The following ABCB8 variants were observed in gnomAD, a reference collection of about 807,000 sequenced individuals.
The protein encoded by ABCB8 is ATP binding cassette subfamily B member 8.
A neutral mutation model predicts 73.0 loss-of-function variants in ABCB8; 52 were observed. The observed-to-expected ratio is 0.71, with a 90% CI of 0.57 to 0.90. The LOEUF is 0.90. ABCB8 is among the 40% of genes least tolerant of loss of function. The pLI is 0.00. For missense variants in ABCB8, 909 were observed against 974.6 expected (o/e 0.93, Z 0.90); for synonymous variants, 428 against 423.5 (o/e 1.01, Z -0.13).
rs752271753 is a variant in ABCB8 at position 151,040,643 on chromosome 7, G to A, written c.1388+9G>A. On this transcript the variant is annotated intron_variant, in intron 11 of 15. Coordinates refer to ENST00000358849, the MANE Select transcript of ABCB8 (RefSeq NM_007188.5). ...CAGAACGTCTGCTTCAGGTCAGCAC[G>A]GGTGAGCAGGCGTGGGGATGGGTCC... 24 of 1,609,364 alleles carry A rather than the reference G, an allele frequency of 1.5e-5. No homozygotes were observed. The Admixed American group carries it at 3.0e-4, about 20-fold the overall frequency.
At position 151,034,338 on chromosome 7, in the gene ABCB8, C is replaced by T. The variant is rs145353836; in HGVS notation, c.474C>T (p.Val158=). The change falls in exon 3 of 16, where the codon GTC becomes GTT. Residue 158 remains valine (V), a synonymous_variant. Transcript: ENST00000358849. Reference sequence around the variant, plus strand: ...TGCTCCTGGGCCAGCTGGTAGAGGTCGTGGCCAAGTACACAAGGGACCACG... The same window carrying T: ...TGCTCCTGGGCCAGCTGGTAGAGGTTGTGGCCAAGTACACAAGGGACCACG... ...IPLLLGQLVE[V]VAKYTRDHVG... 8,332 of 1,613,844 alleles carry T rather than the reference C, an allele frequency of 5.2e-3. 34 individuals carry two copies. Among genetic ancestry groups the T allele is most frequent in the Non-Finnish European group, 6.5e-3 (7,718 of 1,179,976 alleles).
At chr7:151,044,303 T>G (rs1427021632) in intron 15 of ABCB8, 82 bp downstream of exon 15, 1 of 1,546,096 alleles carries the variant, frequency 6.5e-7, no homozygotes, top group Non-Finnish European at 8.7e-7. Flanking sequence ...ATGAGTTATA[T>G]GAAGTTGTGG....
Position 151,028,473 on chromosome 7 carries a change from G to A in ABCB8, c.-43G>A, listed in dbSNP as rs369640034. 3.2e-6 allele frequency: 5 copies of A among 1,586,122 alleles called. No individual in the cohort carries two copies. The highest frequency in any genetic ancestry group is 1.1e-5 in the South Asian group (1 of 86,990). Reference sequence around the variant, plus strand: ...ACATAGAGCCCTCAGTGGGATGAGGGTGAAACTGCTATTGCCGGCGGCTCC... The same window carrying A: ...ACATAGAGCCCTCAGTGGGATGAGGATGAAACTGCTATTGCCGGCGGCTCC... On this transcript the variant is annotated 5_prime_UTR_variant, in exon 1 of 16. The change creates a new upstream start codon in the 5' untranslated region. Coordinates refer to ENST00000358849, the MANE Select transcript of ABCB8 (RefSeq NM_007188.5).
rs61743756 is a variant in ABCB8 at position 151,041,145 on chromosome 7, G to T, written c.1530G>T (p.Thr510=). 6.2e-7 allele frequency: 1 copy of T among 1,612,336 alleles called. No individual in the cohort carries two copies. Among genetic ancestry groups the T allele is most frequent in the South Asian group, 1.1e-5 (1 of 91,078 alleles). Residue 510 remains threonine, a synonymous_variant, in exon 13 of 16, where the codon ACG becomes ACT. Transcript: ENST00000358849. The part of the protein sequence containing the change: ...ASLLERFYDP[T]AGVVMLDGRD... The stretch of plus-strand genomic sequence containing the variant: ...TGCTGGAGCGCTTCTACGACCCCAC[G>T]GCAGGCGTGGTGATGCTGGATGGGC...
chr7:151,040,771 C>G, intron 11 of ABCB8, 57 bp from the exon 12 acceptor site: 1 of 1,594,264 alleles, frequency 6.3e-7, no homozygotes, highest in Non-Finnish European at 8.5e-7. Flanking sequence ...TCAGGAGGGA[C>G]CCGGGCAACA....
rs777937374 is a variant in ABCB8, at chr7:151,035,664, G to A, written c.849G>A (p.Val283=). 5.6e-6 allele frequency: 9 copies of A among 1,613,344 alleles called. No homozygotes were observed. The highest frequency in any genetic ancestry group is 6.8e-6 in the Non-Finnish European group (8 of 1,179,918). ...LSTRLTLLLM[V]ATPALMGVGT... is the part of the protein sequence containing the mutation. ...CACGCCTCACGCTGCTGCTGATGGTGGCCACACCAGCCCTGATGGGAGTGG... is the reference window on the plus strand; with the variant it reads ...CACGCCTCACGCTGCTGCTGATGGTAGCCACACCAGCCCTGATGGGAGTGG... The change falls in exon 6 of 16, where the codon GTG becomes GTA. Residue 283 remains valine, a synonymous_variant. Coordinates refer to ENST00000358849, the MANE Select transcript of ABCB8 (RefSeq NM_007188.5).
At chr7:151,039,218 T>TC (rs1405590213) in intron 9 of ABCB8, 1 of 152,298 alleles carries the variant, frequency 6.6e-6, no homozygotes, top group African/African-American at 2.4e-5. Context: ...GTCTTCCAGA[T>TC]CTCTGGTGGA....
At chr7:151,040,675 C>G in intron 11 of ABCB8, 41 bp downstream of exon 11, 2 of 1,602,528 alleles carry the variant, frequency 1.2e-6, no homozygotes, top group African/African-American at 1.3e-5. Context: ...GTCCCTGGGC[C>G]GGGGATGAGG....
rs78593047 is a variant in ABCB8, at chr7:151,037,698, G to A, written c.1217+1049G>A. ...CGGGGCCCCCACCCCATTCTACTGA[G>A]GCATGTGTCCTCGCCCTGCTGCATG... On this transcript the variant is annotated intron_variant, in intron 9 of 15. Transcript: ENST00000358849. The A allele has an allele frequency of 2.5e-3, 810 of 330,110 alleles. 35 individuals carry two copies. In the East Asian group the frequency reaches 0.054, roughly 22 times the overall value. The allele number at this position is 330,110 out of a possible 1,614,324, so 20.4% of individuals were successfully genotyped here.
At position 151,045,404 on chromosome 7, in the gene ABCB8, C is replaced by T; in HGVS notation, c.*55C>T. ...AAGCATCAGTGTTAGGGCTGGGGCTCAGCCTGGGGGAGCCTACTGGGGACT... is the reference window on the plus strand; with the variant it reads ...AAGCATCAGTGTTAGGGCTGGGGCTTAGCCTGGGGGAGCCTACTGGGGACT... On this transcript the variant is annotated 3_prime_UTR_variant, in exon 16 of 16. Transcript: ENST00000358849. The T allele has an allele frequency of 1.4e-6, 2 of 1,432,008 alleles. No homozygotes were observed. The highest frequency in any genetic ancestry group is 1.8e-6 in the Non-Finnish European group (2 of 1,088,242). 88.7% of individuals were successfully genotyped at this position (1,432,008 alleles called of 1,614,324 possible).
At chr7:151,040,127 G>A (rs964406932) in intron 9 of ABCB8, 141 bp from the exon 10 acceptor site, 11 of 931,008 alleles carry the variant, frequency 1.2e-5, no homozygotes, top group African/African-American at 1.2e-4. Flanking sequence ...AGGGCTCTAC[G>A]CCCCCATGGT....
At chr7:151,043,699 A>G in intron 14 of ABCB8, among the ~76,000 whole-genome samples, 1 of 116,384 alleles carries the variant, frequency 8.6e-6, no homozygotes, top group East Asian at 2.7e-4. Flanking sequence ...GAGGGTGCAC[A>G]GTGCGGGGTG....
intron 5 of ABCB8, 146 bp from the exon 6 acceptor site, chr7:151,035,435 C>T: frequency 2.2e-6 from 2 of 922,784 alleles, no homozygotes; most frequent in South Asian, 1.6e-5. Context: ...CGTACTGTGA[C>T]CGGTGGACTG....
chr7:151,037,460 C>G, intron 9 of ABCB8: 1 of 644,378 alleles, frequency 1.6e-6, no homozygotes. Context: ...TCTGGGATGA[C>G]CAGAGCTGAT....
rs550058516 is a variant in ABCB8 at position 151,047,400 on chromosome 7, C to G, written c.*2051C>G. The G allele has an allele frequency of 9.8e-5, 15 of 152,378 alleles. No individual in the cohort carries two copies. Among genetic ancestry groups the G allele is most frequent in the African/African-American group, 3.1e-4 (13 of 41,578 alleles). 9.4% of individuals were successfully genotyped at this position (152,378 alleles called of 1,614,324 possible). A position where few individuals can be genotyped will look rare whatever the true frequency, so the allele number is the denominator to read the frequency against. On this transcript the variant is annotated 3_prime_UTR_variant, in exon 16 of 16. Coordinates refer to ENST00000358849, the MANE Select transcript of ABCB8 (RefSeq NM_007188.5). ...TGGGATCATCTACAGTAAATACTTG[C>G]AAAGCATGGCACTGTGGCTCTGGGG...
chr7:151,033,164 C>T (rs1796209869), intron 1 of ABCB8: 3 of 453,684 alleles, frequency 6.6e-6, no homozygotes, highest in Non-Finnish European at 8.8e-6. Context: ...CTGCTGTGAG[C>T]AAGTCCAGTG....
chr7:151,041,245 A>T lies in ABCB8; in HGVS notation c.1617+13A>T. ...CTTCATCAGCCAGGTGCGGGGCCAC[A>T]TGGGCAGCCCTTGGCTCCCACTGCC... On this transcript the variant is annotated intron_variant, in intron 13 of 15. Transcript: ENST00000358849. 6.3e-7 allele frequency: 1 copy of T among 1,593,270 alleles called. No homozygotes were observed. Among genetic ancestry groups the T allele is most frequent in the Non-Finnish European group, 8.5e-7 (1 of 1,174,892 alleles).
At chr7:151,037,225 C>T (rs1423856011) in intron 9 of ABCB8, 1 of 702,924 alleles carries the variant, frequency 1.4e-6, no homozygotes, top group Non-Finnish European at 2.6e-6. Flanking sequence ...TTTGTCACTC[C>T]ACATTGTGTC....
intron 6 of ABCB8, 43 bp downstream of exon 6, chr7:151,035,785 T>G: frequency 1.2e-6 from 2 of 1,610,368 alleles, no homozygotes; most frequent in Non-Finnish European, 1.7e-6. Context: ...CCCCACACCG[T>G]TTCTCTTTCC....
Sources: allele counts gnomAD v4.1 joint callset (sites outside exome capture counted in the v4.1 genomes callset), GRCh38; gene constraint gnomAD v4.1.1; transcripts MANE v1.5; gene names NCBI Gene and HGNC (gene_info 2026-07-23, HGNC 2026-07-21).